The following XKR4 variants were observed in gnomAD, a reference collection of about 807,000 sequenced individuals.
The protein encoded by XKR4 is XK-related protein 4.
XKR4 carries 12 observed loss-of-function variants against 53.9 expected under a neutral mutation model. The ratio of observed to expected loss-of-function variants is 0.22; its 90% CI spans 0.14 to 0.36. XKR4 has a LOEUF of 0.36. Among genes scored for constraint, XKR4 ranks in the 10% least tolerant of loss-of-function variants. XKR4 has a pLI of 1.00. For missense variants in XKR4, 799 were observed against 859.5 expected (o/e 0.93, Z 0.88); for synonymous variants, 354 against 362.4 (o/e 0.98, Z 0.26).
intron 1 of XKR4, among the ~76,000 whole-genome samples, chr8:55,108,786 A>G (rs747631840): frequency 5.3e-4 from 80 of 152,028 alleles, no homozygotes; most frequent in Non-Finnish European, 9.7e-4. Context: ...TCTATTTCTT[A>G]TTTGACCCTT....
intron 2 of XKR4, among the ~76,000 whole-genome samples, chr8:55,407,233 C>T (rs909580048): frequency 3.4e-5 from 5 of 146,556 alleles, no homozygotes; most frequent in African/African-American, 1.1e-4. Context: ...GGGCCAGCCT[C>T]GCATAGAGAG....
At chr8:55,283,088 T>C (rs928968793) in intron 1 of XKR4, among the ~76,000 whole-genome samples, 4 of 152,196 alleles carry the variant, frequency 2.6e-5, no homozygotes, top group African/African-American at 9.6e-5. Context: ...CCATACCATA[T>C]AGCCTAGGTG....
At chr8:55,419,166 C>T (rs1351305298) in intron 2 of XKR4, among the ~76,000 whole-genome samples, 2 of 152,118 alleles carry the variant, frequency 1.3e-5, no homozygotes, top group African/African-American at 2.4e-5. Flanking sequence ...AGGTGGATCA[C>T]CTGAGGTCAG....
At chr8:55,144,236 G>A (rs1381336648) in intron 1 of XKR4, among the ~76,000 whole-genome samples, 1 of 152,058 alleles carries the variant, frequency 6.6e-6, no homozygotes, top group East Asian at 1.9e-4. Flanking sequence ...ATGTGTAAAG[G>A]CCAGATAATG....
At chr8:55,313,506 A>G (rs924893290) in intron 1 of XKR4, among the ~76,000 whole-genome samples, 6 of 152,228 alleles carry the variant, frequency 3.9e-5, no homozygotes, top group African/African-American at 1.2e-4. Flanking sequence ...GGCAGCATGC[A>G]TGGTCTTTGG....
chr8:55,304,801 A>C (rs559432240), intron 1 of XKR4, among the ~76,000 whole-genome samples: 2 of 152,172 alleles, frequency 1.3e-5, no homozygotes, highest in South Asian at 2.1e-4. Context: ...CTGTTTTATC[A>C]GAGACTAGGA....
intron 2 of XKR4, chr8:55,452,021 C>T: frequency 1.3e-6 from 1 of 763,620 alleles, no homozygotes. Context: ...CGTTCTTAAC[C>T]AGGTTCCAGG....
intron 2 of XKR4, among the ~76,000 whole-genome samples, chr8:55,448,661 C>T (rs566000892): frequency 6.6e-6 from 1 of 152,126 alleles, no homozygotes; most frequent in Non-Finnish European, 1.5e-5. Context: ...TGGTTTCCTG[C>T]CCACTATTTA....
intron 1 of XKR4, among the ~76,000 whole-genome samples, chr8:55,340,669 G>T (rs557910585): frequency 1.3e-5 from 2 of 152,294 alleles, no homozygotes; most frequent in South Asian, 4.1e-4. Context: ...ATGAATTAGG[G>T]ATCACTCCTC....
intron 1 of XKR4, among the ~76,000 whole-genome samples, chr8:55,127,978 T>G (rs1475160580): frequency 1.3e-5 from 2 of 152,068 alleles, no homozygotes; most frequent in African/African-American, 4.8e-5. Flanking sequence ...TCCAGTCTAT[T>G]ATTGTTGGAC....
In XKR4 at chr8:55,388,502, T is replaced by A. The variant is rs557544253; in HGVS notation, c.1006+30625T>A. 5.3e-5 allele frequency among the ~76,000 whole-genome samples: 8 copies of A among 152,336 alleles called. No individual in the cohort carries two copies. In the East Asian group the frequency reaches 1.5e-3, roughly 29 times the overall value. On this transcript the variant is annotated intron_variant, in intron 2 of 2. Coordinates refer to ENST00000327381, the MANE Select transcript of XKR4 (RefSeq NM_052898.2). ...AGTTCAAGATGAAAGCACAGCAGTT[T>A]CAGTGTATGGTGAGGCTGGTTCCTC...
chr8:55,235,006 G>C (rs1459909367), intron 1 of XKR4, among the ~76,000 whole-genome samples: 2 of 152,226 alleles, frequency 1.3e-5, no homozygotes, highest in African/African-American at 2.4e-5. Flanking sequence ...TGGGTGGCTT[G>C]AAACAATAAC....
intron 1 of XKR4, among the ~76,000 whole-genome samples, chr8:55,318,093 A>G (rs1803136520): frequency 6.6e-6 from 1 of 152,186 alleles, no homozygotes; most frequent in Non-Finnish European, 1.5e-5. Flanking sequence ...AGTTGCCTCA[A>G]TTGTTGGCTT....
intron 1 of XKR4, among the ~76,000 whole-genome samples, chr8:55,336,484 T>C (rs1354119420): frequency 6.6e-6 from 1 of 152,204 alleles, no homozygotes; most frequent in Non-Finnish European, 1.5e-5. Flanking sequence ...ACTTAGTTAA[T>C]AGCATTGTTC....
In XKR4 at chr8:55,454,328, G is replaced by A. The variant is rs552889154; in HGVS notation, c.1007-68953G>A. ...GACCCCGATTATGAAGGGCGTGGGT[G>A]TGCTGAGGGCCTCCAGCAGCTGGGC... is the stretch of plus-strand genomic sequence containing the variant. On this transcript the variant is annotated intron_variant, in intron 2 of 2. Transcript: ENST00000327381. 24 of 1,501,986 alleles carry A rather than the reference G, an allele frequency of 1.6e-5. 1 individual carries two copies. In the South Asian group the frequency reaches 2.6e-4, roughly 16 times the overall value. 93.0% of individuals were successfully genotyped at this position (1,501,986 alleles called of 1,614,324 possible). A position where few individuals can be genotyped will look rare whatever the true frequency, so the allele number is the denominator to read the frequency against.
At chr8:55,199,994 T>C (rs1817557732) in intron 1 of XKR4, among the ~76,000 whole-genome samples, 1 of 152,144 alleles carries the variant, frequency 6.6e-6, no homozygotes, top group Non-Finnish European at 1.5e-5. Context: ...TAACCTCTGA[T>C]TCCAAAGCCC....
At chr8:55,406,122 A>G (rs1254105737) in intron 2 of XKR4, among the ~76,000 whole-genome samples, 1 of 152,188 alleles carries the variant, frequency 6.6e-6, no homozygotes, top group African/African-American at 2.4e-5. Flanking sequence ...TGGCCTTTGG[A>G]TAAAGTGATT....
chr8:55,111,606 A>C (rs908790640), intron 1 of XKR4, among the ~76,000 whole-genome samples: 2 of 152,202 alleles, frequency 1.3e-5, no homozygotes, highest in Non-Finnish European at 2.9e-5. Flanking sequence ...CAAATAAAAC[A>C]ATTTTCATTA....
In XKR4 at chr8:55,494,318, C is replaced by T. The variant is rs568896075; in HGVS notation, c.1007-28963C>T. Among the ~76,000 whole-genome samples, 34 of 152,388 alleles carry T rather than the reference C, an allele frequency of 2.2e-4. No homozygotes were observed. The South Asian group carries it at 2.5e-3, about 11-fold the overall frequency. On this transcript the variant is annotated intron_variant, in intron 2 of 2. Coordinates refer to ENST00000327381, the MANE Select transcript of XKR4 (RefSeq NM_052898.2). ...CCACAGGGCTCCAAAGAGGGAGTCA[C>T]AGCCCTGGCTTGGGGAGTTCCCAGG...
Sources: gnomAD v4.1 joint callset for allele counts (sites outside exome capture counted in the v4.1 genomes callset) on GRCh38, gnomAD v4.1.1 for gene constraint, MANE v1.5 for transcripts, NCBI Gene and HGNC (gene_info 2026-07-23, HGNC 2026-07-21) for gene names.